The following APOO variants were observed in gnomAD, a reference collection of about 807,000 sequenced individuals.
The protein encoded by APOO is MICOS complex subunit MIC26.
A neutral mutation model predicts 23.1 loss-of-function variants in APOO; 11 were observed. The ratio of observed to expected loss-of-function variants is 0.48; its 90% CI spans 0.30 to 0.79. The LOEUF is 0.79. Ranked by LOEUF, APOO falls within the 30% of genes least tolerant of loss-of-function variation. The probability of loss-of-function intolerance (pLI) is 0.07; values close to 1 mark genes in which losing one functional copy is unlikely to be tolerated. For synonymous variants in APOO, 59 were observed against 54.8 expected (o/e 1.08, Z -0.34); for missense variants, 160 against 142.7 (o/e 1.12, Z -0.62).
chrX:23,847,486 C>T (rs1214964240), intron 7 of APOO, among the ~76,000 whole-genome samples: 2 of 109,260 alleles, frequency 1.8e-5, no homozygotes, highest in East Asian at 2.9e-4. Context: ...ATTAGCTGGG[C>T]GTGGTGACGC....
At chrX:23,881,713 T>A (rs1048798183) in intron 1 of APOO, among the ~76,000 whole-genome samples, 1 of 97,778 alleles carries the variant, frequency 1.0e-5, no homozygotes, top group African/African-American at 3.8e-5. Flanking sequence ...GGCGGGTGGG[T>A]GGATCACCAG....
chrX:23,907,176 AAAT>A (rs1431484811), intron 1 of APOO, among the ~76,000 whole-genome samples: 1 of 111,358 alleles, frequency 9.0e-6, no homozygotes, highest in African/African-American at 3.3e-5. Flanking sequence ...GGCCCGTATT[AAAT>A]AATGTTCCCT....
Position 23,901,926 on chromosome X carries a change from G to A in APOO, c.9+5768C>T, listed in dbSNP as rs927968496. Among the ~76,000 whole-genome samples, 23 of 112,246 alleles carry A rather than the reference G, an allele frequency of 2.0e-4. No individual in the cohort carries two copies. In the South Asian group the frequency reaches 4.0e-3, roughly 20 times the overall value. ...AACACTCTCACACTTCTGTGTCCTT[G>A]CATGTGCTTTTCTTCTCTGTTTGGA... is the stretch of plus-strand genomic sequence containing the variant. On this transcript the variant is annotated intron_variant, in intron 1 of 8. Coordinates refer to ENST00000379226, the MANE Select transcript of APOO (RefSeq NM_024122.5).
At chrX:23,881,782 CAA>C (rs10713629) in intron 1 of APOO, among the ~76,000 whole-genome samples, 46 of 81,500 alleles carry the variant, frequency 5.6e-4, no homozygotes, top group Middle Eastern at 5.6e-3. Context: ...ACTAAAATTA[CAA>C]AAAAAAAAAA....
At chrX:23,845,208 G>T (rs778519018) in intron 7 of APOO, among the ~76,000 whole-genome samples, 1 of 111,955 alleles carries the variant, frequency 8.9e-6, no homozygotes, top group Non-Finnish European at 1.9e-5. Context: ...GTAAATAATG[G>T]TGTTTTTAAA....
chrX:23,856,118 A>C (rs748331669), intron 7 of APOO, among the ~76,000 whole-genome samples, 184 bp downstream of exon 7: 1 of 112,189 alleles, frequency 8.9e-6, no homozygotes, highest in East Asian at 2.8e-4. Flanking sequence ...TGCTGATAAT[A>C]ACCAAATACT....
intron 4 of APOO, among the ~76,000 whole-genome samples, chrX:23,870,027 C>T (rs7892278): frequency 0.5 from 54,471 of 109,746 alleles, 12,419 homozygotes; most frequent in African/African-American, 0.89. Flanking sequence ...GAACTCATTA[C>T]TCGAACAGAA....
intron 1 of APOO, among the ~76,000 whole-genome samples, chrX:23,904,560 T>G (rs1395184371): frequency 2.0e-5 from 2 of 100,156 alleles, no homozygotes; most frequent in Non-Finnish European, 4.0e-5. Flanking sequence ...AGGCTGGAGT[T>G]CAGTGGTGCG....
intron 1 of APOO, among the ~76,000 whole-genome samples, chrX:23,886,627 C>G (rs1926377567): frequency 9.0e-6 from 1 of 111,261 alleles, no homozygotes; most frequent in African/African-American, 3.3e-5. Flanking sequence ...GGTAAAAGGT[C>G]CCCAGGTAGA....
At chrX:23,890,573 T>C (rs1926611271) in intron 1 of APOO, among the ~76,000 whole-genome samples, 1 of 112,597 alleles carries the variant, frequency 8.9e-6, no homozygotes, top group African/African-American at 3.2e-5. Context: ...ACGCATTCTG[T>C]AGAAACCGCA....
At position 23,899,502 on chromosome X, in the gene APOO, C is replaced by T. The variant is rs1379698679; in HGVS notation, c.9+8192G>A. Among the ~76,000 whole-genome samples the T allele has an allele frequency of 2.7e-5, 3 of 112,149 alleles. 1 individual carries two copies. The highest frequency in any genetic ancestry group is 5.6e-5 in the Non-Finnish European group (3 of 53,255). ...AGCAAAAGTGAAAAATAAATAACTT[C>T]CAAATTCTAAAATATAACTTTAGAC... is the stretch of plus-strand genomic sequence containing the variant. On this transcript the variant is annotated intron_variant, in intron 1 of 8. Coordinates refer to ENST00000379226, the MANE Select transcript of APOO (RefSeq NM_024122.5).
rs560249022 is a variant in APOO, at chrX:23,857,230, C to T, written c.481-848G>A. On this transcript the variant is annotated intron_variant, in intron 6 of 8. Coordinates refer to ENST00000379226, the MANE Select transcript of APOO (RefSeq NM_024122.5). ...CAAACCTGCACATGTACACCTAACG[C>T]TAAAAGTTAAAAAAGAAAGAAATTT... Among the ~76,000 whole-genome samples, 39 of 95,445 alleles carry T rather than the reference C, an allele frequency of 4.1e-4. 1 individual carries two copies. In the South Asian group the frequency reaches 0.019, roughly 47 times the overall value. 82.9% of individuals were successfully genotyped at this position (95,445 alleles called of 115,157 possible). A position where few individuals can be genotyped will look rare whatever the true frequency, so the allele number is the denominator to read the frequency against.
At chrX:23,840,195 A>G in intron 8 of APOO, 118 bp downstream of exon 8, 1 of 419,216 alleles carries the variant, frequency 2.4e-6, no homozygotes, top group Non-Finnish European at 3.8e-6. Context: ...GATGGAATAA[A>G]ATATTTTCAC....
At chrX:23,878,766 C>A in intron 3 of APOO, 149 bp downstream of exon 3, 1 of 644,894 alleles carries the variant, frequency 1.6e-6, no homozygotes. Context: ...CCCCACCTTT[C>A]CCCCAGACCC....
At chrX:23,844,758 C>G (rs1164231017) in intron 7 of APOO, among the ~76,000 whole-genome samples, 1 of 112,197 alleles carries the variant, frequency 8.9e-6, no homozygotes, top group Non-Finnish European at 1.9e-5. Context: ...CTACTTTCAA[C>G]CTGTAAATTT....
chrX:23,840,224 T>C (rs1569225215), intron 8 of APOO, 89 bp downstream of exon 8: 2 of 511,563 alleles, frequency 3.9e-6, no homozygotes, highest in Non-Finnish European at 6.0e-6. Context: ...GAAACTGTTA[T>C]AATTAATTAA....
At chrX:23,858,610 A>C (rs376806066) in intron 6 of APOO, 32 bp downstream of exon 6, 61 of 1,148,412 alleles carry the variant, frequency 5.3e-5, no homozygotes, top group Non-Finnish European at 6.5e-5. Flanking sequence ...AACAAGAATG[A>C]GGGACATCAT....
In APOO at chrX:23,864,594, AC is replaced by A. The variant is rs781489800; in HGVS notation, c.388+3998del. On this transcript the variant is annotated intron_variant, in intron 5 of 8. Transcript: ENST00000379226. The stretch of plus-strand genomic sequence containing the variant: ...TGGGATTACAGGTGTGAGCCACTGT[AC>A]CCCGACAGAATGTGTACATTAATCC... Among the ~76,000 whole-genome samples, 171 of 111,741 alleles carry A rather than the reference AC, an allele frequency of 1.5e-3. 1 individual carries two copies. The highest frequency in any genetic ancestry group is 5.1e-3 in the African/African-American group (158 of 30,833).
chrX:23,852,546 G>A (rs1230404723), intron 7 of APOO, among the ~76,000 whole-genome samples: 1 of 109,064 alleles, frequency 9.2e-6, no homozygotes, highest in Non-Finnish European at 1.9e-5. Context: ...CCCGGGAGGC[G>A]GAGGTTGCAG....
Sources: allele counts gnomAD v4.1 joint callset (sites outside exome capture counted in the v4.1 genomes callset), GRCh38; gene constraint gnomAD v4.1.1; transcripts MANE v1.5; gene names NCBI Gene and HGNC (gene_info 2026-07-23, HGNC 2026-07-21).